Variants in COG5 observed in about 807,000 individuals in gnomAD.
The protein encoded by COG5 is conserved oligomeric Golgi complex subunit 5.
A neutral mutation model predicts 110.4 loss-of-function variants in COG5; 86 were observed. That is an observed-to-expected ratio of 0.78 (90% CI 0.65 to 0.93). The LOEUF (loss-of-function observed/expected upper bound fraction) is 0.93. COG5 is among the 40% of genes least tolerant of loss of function. The pLI, the probability that COG5 is intolerant of heterozygous loss-of-function variation, is 0.00. For synonymous variants in COG5, 360 were observed against 334.6 expected, an observed-to-expected ratio of 1.08 and a Z score of -0.83; for missense variants, 1,077 against 987.0, an observed-to-expected ratio of 1.09 and a Z score of -1.22.
At chr7:107,253,621 T>G (rs1298174319) in intron 16 of COG5, among the ~76,000 whole-genome samples, 1 of 152,126 alleles carries the variant, frequency 6.6e-6, no homozygotes, top group Non-Finnish European at 1.5e-5. Context: ...TACTCAATAT[T>G]AATTATGTCA....
intron 21 of COG5, chr7:107,210,301 TC>T (rs1274717504): frequency 1.3e-5 from 19 of 1,419,916 alleles, no homozygotes; most frequent in Middle Eastern, 2.6e-4. Flanking sequence ...GGATTGCACA[TC>T]AGGGATATGA....
At chr7:107,297,617 C>T (rs4730230) in intron 12 of COG5, among the ~76,000 whole-genome samples, 96,071 of 151,590 alleles carry the variant, frequency 0.63, 32,554 homozygotes, top group African/African-American at 0.9. Flanking sequence ...CCCAGCTAAT[C>T]TTTGTATTTT....
intron 10 of COG5, among the ~76,000 whole-genome samples, chr7:107,338,424 T>C (rs1810894218): frequency 6.6e-6 from 1 of 152,094 alleles, no homozygotes; most frequent in Non-Finnish European, 1.5e-5. Flanking sequence ...TAAATGCTAC[T>C]GGGAAAACTA....
chr7:107,289,198 A>T (rs1162968471), intron 12 of COG5, among the ~76,000 whole-genome samples: 3 of 151,714 alleles, frequency 2.0e-5, no homozygotes, highest in Non-Finnish European at 4.4e-5. Flanking sequence ...TTTGTATATG[A>T]TGTGAAGGGC....
chr7:107,329,504 A>AT (rs1810061328), intron 10 of COG5, among the ~76,000 whole-genome samples: 1 of 152,170 alleles, frequency 6.6e-6, no homozygotes, highest in Non-Finnish European at 1.5e-5. Context: ...ATATAATAGT[A>AT]TATGTACATA....
chr7:107,259,542 G>A (rs1255938285), intron 14 of COG5, among the ~76,000 whole-genome samples: 15 of 152,130 alleles, frequency 9.9e-5, no homozygotes, highest in Admixed American at 9.8e-4. Flanking sequence ...CTCTGGAAGT[G>A]TAAGTGGCCA....
chr7:107,213,868 C>T (rs866037182), intron 19 of COG5, among the ~76,000 whole-genome samples: 8 of 152,118 alleles, frequency 5.3e-5, no homozygotes, highest in East Asian at 1.9e-4. Context: ...GAAGAACTAG[C>T]GGAATAGTGA....
chr7:107,537,670 G>A (rs988480776), intron 5 of COG5, among the ~76,000 whole-genome samples: 1 of 151,468 alleles, frequency 6.6e-6, no homozygotes, highest in African/African-American at 2.4e-5. Context: ...AAACCACCAT[G>A]GCACATGTAT....
At chr7:107,470,384 T>A (rs940704810) in intron 6 of COG5, 1 of 152,152 alleles carries the variant, frequency 6.6e-6, no homozygotes, top group African/African-American at 2.4e-5. Context: ...GTGAACAAAA[T>A]GAATCAATCC....
intron 6 of COG5, among the ~76,000 whole-genome samples, chr7:107,420,553 C>G (rs1793211073): frequency 2.0e-5 from 3 of 152,240 alleles, no homozygotes; most frequent in Admixed American, 2.0e-4. Flanking sequence ...CTCCGCCTTC[C>G]AGGTTCAAGT....
chr7:107,287,705 T>C (rs1805759804), intron 12 of COG5, among the ~76,000 whole-genome samples: 1 of 152,180 alleles, frequency 6.6e-6, no homozygotes, highest in South Asian at 2.1e-4. Flanking sequence ...GATTTTGCTA[T>C]TCTGGATTTG....
Position 107,283,948 on chromosome 7 carries a change from G to A in COG5, c.1314-216C>T, listed in dbSNP as rs1175485880. Among the ~76,000 whole-genome samples the A allele has an allele frequency of 6.6e-5, 7 of 106,434 alleles. 1 individual carries two copies. Among genetic ancestry groups the A allele is most frequent in the Admixed American group, 4.8e-4 (5 of 10,522 alleles). 69.8% of individuals were successfully genotyped at this position (106,434 alleles called of 152,430 possible). ...ATAGTAACCTTTTTTTTTTTGAGACGTAGTCTCACTCTGTTGTCCTGGCTG... is the reference window on the plus strand; with the variant it reads ...ATAGTAACCTTTTTTTTTTTGAGACATAGTCTCACTCTGTTGTCCTGGCTG... On this transcript the variant is annotated intron_variant, in intron 12 of 21. Transcript: ENST00000297135.
chr7:107,284,836 G>C (rs1805494063), intron 12 of COG5, among the ~76,000 whole-genome samples: 1 of 151,982 alleles, frequency 6.6e-6, no homozygotes, highest in South Asian at 2.1e-4. Context: ...CATCATCCCT[G>C]TTTACAATCC....
intron 19 of COG5, among the ~76,000 whole-genome samples, chr7:107,215,872 G>T (rs1005834598): frequency 1.3e-5 from 2 of 151,720 alleles, no homozygotes; most frequent in Non-Finnish European, 2.9e-5. Flanking sequence ...ACCACACCTG[G>T]CTAATTTTTT....
intron 14 of COG5, among the ~76,000 whole-genome samples, chr7:107,267,853 C>T (rs866649109): frequency 9.3e-4 from 142 of 152,088 alleles, no homozygotes; most frequent in African/African-American, 3.2e-3. Flanking sequence ...GCCAGGAGTT[C>T]GAGACCAGCC....
intron 7 of COG5, among the ~76,000 whole-genome samples, chr7:107,406,605 T>C (rs961254359): frequency 1.3e-5 from 2 of 152,008 alleles, no homozygotes; most frequent in African/African-American, 4.8e-5. Context: ...GGCTAGAAAA[T>C]ACTTTCTTAC....
chr7:107,279,522 G>A (rs1804996736), intron 14 of COG5, among the ~76,000 whole-genome samples: 1 of 151,972 alleles, frequency 6.6e-6, no homozygotes, highest in Admixed American at 6.6e-5. Flanking sequence ...AAAAAAATAG[G>A]AATATTTGTA....
At chr7:107,547,638 G>T (rs184634930) in intron 5 of COG5, among the ~76,000 whole-genome samples, 1 of 152,246 alleles carries the variant, frequency 6.6e-6, no homozygotes, top group Admixed American at 6.5e-5. Flanking sequence ...GGACCCTAAA[G>T]ACTCCACCAA....
intron 12 of COG5, among the ~76,000 whole-genome samples, chr7:107,284,285 T>A (rs531441483): frequency 1.3e-5 from 2 of 152,198 alleles, no homozygotes; most frequent in African/African-American, 4.8e-5. Context: ...TATGCACCAA[T>A]ACCTACTGTA....
Sources: allele counts gnomAD v4.1 joint callset (sites outside exome capture counted in the v4.1 genomes callset), GRCh38; gene constraint gnomAD v4.1.1; transcripts MANE v1.5; gene names NCBI Gene and HGNC (gene_info 2026-07-23, HGNC 2026-07-21).